DRC1: variants seen among roughly 807,000 people sequenced by gnomAD.
DRC1 encodes dynein regulatory complex protein 1.
In DRC1, 74 loss-of-function variants were observed where a neutral mutation model predicts 98.7. That is an observed-to-expected ratio of 0.75 (90% CI 0.62 to 0.91). DRC1 has a LOEUF of 0.91. Ranked by LOEUF, DRC1 falls within the 40% of genes least tolerant of loss-of-function variation. The probability of loss-of-function intolerance (pLI) is 0.00; values close to 1 mark genes in which losing one functional copy is unlikely to be tolerated. For missense variants in DRC1, 875 were observed against 886.0 expected, an observed-to-expected ratio of 0.99 and a Z score of 0.16; for synonymous variants, 336 against 334.1, an observed-to-expected ratio of 1.01 and a Z score of -0.06.
chr2:26,404,805 G>A (rs987640453), intron 1 of DRC1, among the ~76,000 whole-genome samples: 1 of 152,118 alleles, frequency 6.6e-6, no homozygotes, highest in Non-Finnish European at 1.5e-5. Flanking sequence ...CATGATTGCT[G>A]GCTGAGTCCA....
At chr2:26,416,890 T>C (rs1373896864) in intron 2 of DRC1, among the ~76,000 whole-genome samples, 3 of 152,214 alleles carry the variant, frequency 2.0e-5, no homozygotes, top group Non-Finnish European at 4.4e-5. Context: ...AGAAGCATAG[T>C]GACTTCTGCT....
Position 26,434,823 on chromosome 2 carries a change from G to A in DRC1, c.888+2817G>A, listed in dbSNP as rs148162615. 8.6e-5 allele frequency among the ~76,000 whole-genome samples: 13 copies of A among 151,976 alleles called. No homozygotes were observed. The East Asian group carries it at 9.7e-4, about 11-fold the overall frequency. On this transcript the variant is annotated intron_variant, in intron 7 of 16. Transcript: ENST00000288710. ...GGAGAATGGTGTGAACCAGGGAGGC[G>A]GAGCTTGCAGTCAGCCGAGATTTCA...
At chr2:26,434,988 C>T (rs1206763374) in intron 7 of DRC1, among the ~76,000 whole-genome samples, 1 of 151,994 alleles carries the variant, frequency 6.6e-6, no homozygotes, top group African/African-American at 2.4e-5. Context: ...GATGACATTG[C>T]CAGTCTTAGG....
chr2:26,454,775 C>T lies in DRC1; in HGVS notation c.2048C>T (p.Ala683Val), dbSNP rs760799591. The change falls in exon 15 of 17, where the codon GCC (alanine) becomes GTC (valine). Residue 683 changes from alanine to valine, a missense_variant. By Grantham distance (64) the Ala-to-Val change is moderately conservative (BLOSUM62 0). Transcript: ENST00000288710. This position sits in a 1 kb window ranked among gnomAD's most constrained non-coding sequence, Gnocchi z 5.2. Reference protein sequence around the residue: ...KQNLWDALYTALEKYHLVLTQ... With the variant: ...KQNLWDALYTVLEKYHLVLTQ... ...AACCTCTGGGATGCCCTCTACACAGCCTTGGAGAAGTACCAGTAAGTGTGC... is the reference window on the plus strand; with the variant it reads ...AACCTCTGGGATGCCCTCTACACAGTCTTGGAGAAGTACCAGTAAGTGTGC... 3.1e-6 allele frequency: 5 copies of T among 1,614,118 alleles called. No homozygotes were observed. Among genetic ancestry groups the T allele is most frequent in the Middle Eastern group, 1.6e-4 (1 of 6,062 alleles).
rs749441513 is a variant in DRC1, at chr2:26,453,303, C to T, written c.1690-17C>T. The T allele has an allele frequency of 3.5e-5, 56 of 1,613,686 alleles. No individual in the cohort carries two copies. In the Admixed American group the frequency reaches 5.0e-4, roughly 14 times the overall value. On this transcript the variant is annotated splice_polypyrimidine_tract_variant and intron_variant, in intron 13 of 16. Coordinates refer to ENST00000288710, the MANE Select transcript of DRC1 (RefSeq NM_145038.5). ...CGTGTGTCCCCAGCCCACAGTTGTC[C>T]GTGCATCTTTCTCCAGATCAAGCCC...
chr2:26,445,200 C>T (rs1045165646), intron 10 of DRC1, among the ~76,000 whole-genome samples: 3 of 152,196 alleles, frequency 2.0e-5, no homozygotes, highest in East Asian at 1.9e-4. Context: ...GTACCTCCAT[C>T]GGGATAAACT....
chr2:26,439,712 G>A (rs1663661471), intron 7 of DRC1, among the ~76,000 whole-genome samples: 1 of 151,570 alleles, frequency 6.6e-6, no homozygotes, highest in African/African-American at 2.4e-5. Flanking sequence ...GAGTTATTTG[G>A]ACTTGAAAGC....
At chr2:26,456,210 A>G (rs1664164897) in intron 16 of DRC1, among the ~76,000 whole-genome samples, 1 of 152,142 alleles carries the variant, frequency 6.6e-6, no homozygotes, top group Non-Finnish European at 1.5e-5. Flanking sequence ...AGAGGGGAAG[A>G]CTGCAGAGAA....
At chr2:26,450,996 G>C (rs1663993184) in intron 13 of DRC1, among the ~76,000 whole-genome samples, 1 of 151,232 alleles carries the variant, frequency 6.6e-6, no homozygotes, top group Non-Finnish European at 1.5e-5. Context: ...TTCTGATCTT[G>C]TGATCGTTTG....
At chr2:26,410,281 T>TTATTAA (rs1375739149) in intron 1 of DRC1, among the ~76,000 whole-genome samples, 1 of 144,138 alleles carries the variant, frequency 6.9e-6, no homozygotes, top group African/African-American at 2.6e-5. Flanking sequence ...ATTATTATTA[T>TTATTAA]TAATTTTGAT....
At position 26,450,689 on chromosome 2, in the gene DRC1, A is replaced by G. The variant is rs1372335770; in HGVS notation, c.1689+8A>G. 1 of 1,584,492 alleles carries G rather than the reference A, an allele frequency of 6.3e-7. No individual in the cohort carries two copies. Among genetic ancestry groups the G allele is most frequent in the East Asian group, 2.3e-5 (1 of 44,064 alleles). On this transcript the variant is annotated splice_region_variant and intron_variant, in intron 13 of 16. Transcript: ENST00000288710. The stretch of plus-strand genomic sequence containing the variant: ...TTATCTTCCAGCCTCCAGGTAAGGC[A>G]AGGTGCAGAGAGAAGAAAGCATTTT...
chr2:26,453,273 A>G lies in DRC1; in HGVS notation c.1690-47A>G, dbSNP rs1013760887. The stretch of plus-strand genomic sequence containing the variant: ...TCTTCCTGCCTCTCTCTCCATGCTC[A>G]TGCTCGTGTGTCCCCAGCCCACAGT... On this transcript the variant is annotated intron_variant, in intron 13 of 16. Transcript: ENST00000288710. 5.6e-6 allele frequency: 9 copies of G among 1,607,002 alleles called. No individual in the cohort carries two copies. The East Asian group carries it at 1.6e-4, about 28-fold the overall frequency.
In DRC1 at chr2:26,456,540, T is replaced by C. The variant is rs1664182148; in HGVS notation, c.*23T>C. The C allele has an allele frequency of 2.5e-6, 4 of 1,613,938 alleles. No individual in the cohort carries two copies. Among genetic ancestry groups the C allele is most frequent in the Non-Finnish European group, 3.4e-6 (4 of 1,179,858 alleles). ...TGAGCTGGACCGCCAAAGGCTGATG[T>C]GTTAGGGCTGGCCTGATGCTGGTGT... is the stretch of plus-strand genomic sequence containing the variant. On this transcript the variant is annotated 3_prime_UTR_variant, in exon 17 of 17. Transcript: ENST00000288710.
chr2:26,450,723 CTTAT>C lies in DRC1; in HGVS notation c.1689+57_1689+60del, dbSNP rs565108949. 826 of 1,442,308 alleles carry C rather than the reference CTTAT, an allele frequency of 5.7e-4. 5 individuals are homozygous for C. The African/African-American group carries it at 0.013, about 22-fold the overall frequency. The allele number at this position is 1,442,308 out of a possible 1,614,324, so 89.3% of individuals were successfully genotyped here. ...AGAGAAGAAAGCATTTTCTTTCTTT[CTTAT>C]TTATTTATTTATTTTATTATACTTT... On this transcript the variant is annotated intron_variant, in intron 13 of 16. Transcript: ENST00000288710.
At chr2:26,445,005 G>A in intron 10 of DRC1, 57 bp downstream of exon 10, 1 of 1,557,660 alleles carries the variant, frequency 6.4e-7, no homozygotes, top group East Asian at 2.3e-5. Flanking sequence ...GAGAACATCG[G>A]GTCAAGCCAG....
At chr2:26,408,516 G>A (rs1427280258) in intron 1 of DRC1, among the ~76,000 whole-genome samples, 1 of 152,180 alleles carries the variant, frequency 6.6e-6, no homozygotes, top group Admixed American at 6.5e-5. Flanking sequence ...GCTCATGCCT[G>A]TAATCCAGCA....
intron 13 of DRC1, 143 bp from the exon 14 acceptor site, chr2:26,453,174 TCTC>T: frequency 1.1e-6 from 1 of 895,228 alleles, no homozygotes; most frequent in South Asian, 1.7e-5. Flanking sequence ...TCCCACTCTT[TCTC>T]CTGTTTCTGT....
intron 8 of DRC1, 122 bp from the exon 9 acceptor site, chr2:26,444,100 G>T: frequency 7.3e-7 from 1 of 1,363,262 alleles, no homozygotes; most frequent in Admixed American, 2.2e-5. Context: ...TATATGGGAG[G>T]GTTTTCTGCT....
chr2:26,444,254 A>T lies in DRC1; in HGVS notation c.1061A>T (p.Lys354Ile). The T allele has an allele frequency of 6.2e-7, 1 of 1,614,208 alleles. No homozygotes were observed. Among genetic ancestry groups the T allele is most frequent in the Non-Finnish European group, 8.5e-7 (1 of 1,180,044 alleles). ...GATATACTTAACAATCTGAGATCAA[A>T]ATATGCCAAGCAAATAAAGCAGTTT... is the stretch of plus-strand genomic sequence containing the variant. ...LHDILNNLRS[K>I]YAKQIKQFQE... The change falls in exon 9 of 17, where the codon AAA becomes ATA. Residue 354 changes from lysine to isoleucine, a missense_variant. By Grantham distance (102) the Lys-to-Ile change is moderately radical (BLOSUM62 -3). Coordinates refer to ENST00000288710, the MANE Select transcript of DRC1 (RefSeq NM_145038.5).
Sources: gnomAD v4.1 joint callset for allele counts (sites outside exome capture counted in the v4.1 genomes callset) on GRCh38, gnomAD v4.1.1 for gene constraint, Gnocchi (gnomAD v3.1) non-coding constraint, MANE v1.5 for transcripts, NCBI Gene and HGNC (gene_info 2026-07-23, HGNC 2026-07-21) for gene names.